SPAG16: variants seen among roughly 807,000 people sequenced by gnomAD.
SPAG16 encodes the protein sperm-associated antigen 16 protein.
In SPAG16, 86 loss-of-function variants were observed where a neutral mutation model predicts 80.4. That is an observed-to-expected ratio of 1.07 (90% CI 0.90 to 1.28). SPAG16 has a LOEUF of 1.28. Ranked by LOEUF, SPAG16 falls within the 50% of genes most tolerant of loss-of-function variation. The pLI is 0.00. For missense variants in SPAG16, 870 were observed against 765.3 expected (o/e 1.14, Z -1.61); for synonymous variants, 294 against 265.9 (o/e 1.11, Z -1.03).
In SPAG16 at chr2:213,856,632, T is replaced by C. The variant is rs186980963; in HGVS notation, c.1071-5853T>C. Among the ~76,000 whole-genome samples, 677 of 152,122 alleles carry C rather than the reference T, an allele frequency of 4.5e-3. 4 individuals are homozygous for C. Among genetic ancestry groups the C allele is most frequent in the African/African-American group, 0.016 (644 of 41,480 alleles). On this transcript the variant is annotated intron_variant, in intron 10 of 15. Transcript: ENST00000331683. ...CCAAACCTCAATTCTTGACTTCTGA[T>C]CCCCCACAGGCCCAACACATGTAAG...
At chr2:214,389,995 G>A (rs77995688) in intron 15 of SPAG16, among the ~76,000 whole-genome samples, 7,408 of 152,198 alleles carry the variant, frequency 0.049, 580 homozygotes, top group African/African-American at 0.17. Context: ...CTCAGGAATG[G>A]TTATTAACCA....
intron 13 of SPAG16, among the ~76,000 whole-genome samples, chr2:214,104,086 G>A (rs1025986017): frequency 6.6e-6 from 1 of 152,178 alleles, no homozygotes; most frequent in Non-Finnish European, 1.5e-5. Context: ...ATGCCTCAGG[G>A]TGAGATGTCC....
At chr2:213,862,867 A>AT (rs1203452264) in intron 11 of SPAG16, among the ~76,000 whole-genome samples, 1 of 152,190 alleles carries the variant, frequency 6.6e-6, no homozygotes, top group Non-Finnish European at 1.5e-5. Context: ...AACCAAAGTA[A>AT]TAAGCTTCTC....
At chr2:214,193,147 C>T (rs1025308628) in intron 15 of SPAG16, among the ~76,000 whole-genome samples, 3 of 151,922 alleles carry the variant, frequency 2.0e-5, no homozygotes, top group African/African-American at 4.8e-5. Flanking sequence ...GAGGGTGAGG[C>T]ATAATTTCTC....
At chr2:213,417,948 G>A (rs975191612) in intron 9 of SPAG16, among the ~76,000 whole-genome samples, 6 of 150,132 alleles carry the variant, frequency 4.0e-5, no homozygotes, top group South Asian at 2.1e-4. Flanking sequence ...ATCTCGGCTC[G>A]CTGCAACATC....
intron 9 of SPAG16, among the ~76,000 whole-genome samples, chr2:213,406,478 A>T (rs2068611419): frequency 6.6e-6 from 1 of 152,200 alleles, no homozygotes; most frequent in Non-Finnish European, 1.5e-5. Flanking sequence ...ACCATACATT[A>T]AGTTGTAATT....
At chr2:214,157,506 A>G (rs993270418) in intron 15 of SPAG16, among the ~76,000 whole-genome samples, 2 of 152,108 alleles carry the variant, frequency 1.3e-5, no homozygotes, top group African/African-American at 4.8e-5. Flanking sequence ...ACATATTAAT[A>G]ATAATGGGGA....
intron 10 of SPAG16, among the ~76,000 whole-genome samples, 183 bp downstream of exon 10, chr2:213,490,273 T>A (rs1385508249): frequency 6.6e-6 from 1 of 152,182 alleles, no homozygotes; most frequent in Admixed American, 6.5e-5. Flanking sequence ...GTTTAAGCAC[T>A]TGGTGGCAGT....
At chr2:213,310,016 C>A in intron 3 of SPAG16, 43 bp from the exon 4 acceptor site, 5 of 1,262,634 alleles carry the variant, frequency 4.0e-6, no homozygotes, top group African/African-American at 1.5e-5. Flanking sequence ...TTAATTAATG[C>A]TTTGATGTTT....
At chr2:214,100,928 C>G (rs1218037597) in intron 13 of SPAG16, among the ~76,000 whole-genome samples, 1 of 151,854 alleles carries the variant, frequency 6.6e-6, no homozygotes, top group Non-Finnish European at 1.5e-5. Flanking sequence ...GTGAAGTGGA[C>G]TCACTTCATA....
At chr2:214,266,806 G>GA (rs145398748) in intron 15 of SPAG16, among the ~76,000 whole-genome samples, 30 of 149,394 alleles carry the variant, frequency 2.0e-4, no homozygotes, top group Admixed American at 1.1e-3. Context: ...CAGACTGCCT[G>GA]AAAAAAAAAT....
chr2:213,382,626 C>T (rs2067229181), intron 9 of SPAG16, among the ~76,000 whole-genome samples: 1 of 152,298 alleles, frequency 6.6e-6, no homozygotes, highest in South Asian at 2.1e-4. Context: ...CTTTATTCAG[C>T]ATGGAGGACA....
intron 15 of SPAG16, among the ~76,000 whole-genome samples, chr2:214,248,101 C>T (rs918353): frequency 0.94 from 142,934 of 151,718 alleles, 67,742 homozygotes; most frequent in Non-Finnish European, 1. Flanking sequence ...CAAAATAGAG[C>T]AATCTCTAGT....
chr2:213,469,483 G>C (rs1486382611), intron 9 of SPAG16, among the ~76,000 whole-genome samples: 1 of 151,564 alleles, frequency 6.6e-6, no homozygotes, highest in Non-Finnish European at 1.5e-5. Context: ...TTCTGCAGCT[G>C]GTCATGTGGT....
intron 1 of SPAG16, among the ~76,000 whole-genome samples, chr2:213,287,568 C>T (rs1039543230): frequency 6.6e-6 from 1 of 152,174 alleles, no homozygotes; most frequent in African/African-American, 2.4e-5. Context: ...CATCTGGCTC[C>T]TCTAGCTTTT....
At chr2:213,619,185 A>AG (rs2061692750) in intron 10 of SPAG16, among the ~76,000 whole-genome samples, 1 of 152,188 alleles carries the variant, frequency 6.6e-6, no homozygotes, top group Non-Finnish European at 1.5e-5. Context: ...CTTCCCTCTC[A>AG]GCCTATACAA....
At chr2:213,723,935 T>G (rs866111495) in intron 10 of SPAG16, among the ~76,000 whole-genome samples, 1 of 152,200 alleles carries the variant, frequency 6.6e-6, no homozygotes, top group Non-Finnish European at 1.5e-5. Context: ...TAAAGATTAC[T>G]TAGGTAGCTT....
chr2:213,714,721 T>C (rs2066155079), intron 10 of SPAG16, among the ~76,000 whole-genome samples: 2 of 152,158 alleles, frequency 1.3e-5, no homozygotes, highest in Admixed American at 1.3e-4. Flanking sequence ...TTCATAACAC[T>C]CTGCATTTCA....
chr2:213,641,120 T>C (rs1269333314), intron 10 of SPAG16, among the ~76,000 whole-genome samples: 1 of 152,096 alleles, frequency 6.6e-6, no homozygotes. Context: ...CTGCAACCAC[T>C]GTGGGGAATG....
Sources: gnomAD v4.1 joint callset for allele counts (sites outside exome capture counted in the v4.1 genomes callset) on GRCh38, gnomAD v4.1.1 for gene constraint, MANE v1.5 for transcripts, NCBI Gene and HGNC (gene_info 2026-07-23, HGNC 2026-07-21) for gene names.